Variants in SOX4 observed in about 807,000 individuals in gnomAD.
SOX4 encodes the protein SRY-box transcription factor 4, also known as transcription factor SOX-4.
For missense variants in SOX4, 662 were observed against 694.9 expected (o/e 0.95, Z 0.53); for synonymous variants, 465 against 348.4 (o/e 1.33, Z -3.73).
chr6:21,598,416 T>C lies in SOX4; in HGVS notation c.*2457T>C. ...AAGGGTTTTTGTTTTTAAACTTTTT[T>C]TTGCCATCCATCCTGTGCAATATGC... On this transcript the variant is annotated 3_prime_UTR_variant, in exon 1 of 1. Coordinates refer to ENST00000244745, the MANE Select transcript of SOX4 (RefSeq NM_003107.3). The C allele has an allele frequency of 1.2e-5, 2 of 167,120 alleles. 1 individual carries two copies. Among genetic ancestry groups the C allele is most frequent in the Non-Finnish European group, 2.9e-5 (2 of 68,124 alleles). The allele number at this position is 167,120 out of a possible 1,614,324, so 10.4% of individuals were successfully genotyped here.
At position 21,595,402 on chromosome 6, in the gene SOX4, G is replaced by A. The variant is rs1561757504; in HGVS notation, c.868G>A (p.Glu290Lys). The change falls in exon 1 of 1, where the codon GAG becomes AAG. Residue 290 changes from glutamate (E) to lysine (K), a missense_variant. Physicochemically the swap from Glu to Lys is moderately conservative, Grantham distance 56. Coordinates refer to ENST00000244745, the MANE Select transcript of SOX4 (RefSeq NM_003107.3). ...CGCGGCCCCGGGCAAGCACCTGGCG[G>A]AGAAGAAGGTGAAGCGCGTCTACCT... is the stretch of plus-strand genomic sequence containing the variant. ...ALAAPGKHLAEKKVKRVYLFG... is the reference protein window; with the variant it reads ...ALAAPGKHLAKKKVKRVYLFG... 1 of 1,537,942 alleles carries A rather than the reference G, an allele frequency of 6.5e-7. No homozygotes were observed. Among genetic ancestry groups the A allele is most frequent in the South Asian group, 1.2e-5 (1 of 85,730 alleles).
In SOX4 at chr6:21,594,973, GCCT is replaced by G. The variant is rs1346225479; in HGVS notation, c.445_447del (p.Ser149del). 2 of 1,598,756 alleles carry G rather than the reference GCCT, an allele frequency of 1.3e-6. No homozygotes were observed. Among genetic ancestry groups the G allele is most frequent in the Admixed American group, 1.7e-5 (1 of 58,630 alleles). On this transcript the variant is annotated inframe_deletion, in exon 1 of 1. Coordinates refer to ENST00000244745, the MANE Select transcript of SOX4 (RefSeq NM_003107.3). ...CGCCAACTCCAGCTCCTCGGCCGCC[GCCT>G]CCTCCAAGCCGGGGGAGAAGGGAGA...
At position 21,595,200 on chromosome 6, in the gene SOX4, C is replaced by T. The variant is rs879489337; in HGVS notation, c.666C>T (p.Gly222=). The T allele has an allele frequency of 1.7e-6, 2 of 1,169,982 alleles. No individual in the cohort carries two copies. Among genetic ancestry groups the T allele is most frequent in the African/African-American group, 3.3e-5 (2 of 60,680 alleles). 72.5% of individuals were successfully genotyped at this position (1,169,982 alleles called of 1,614,324 possible). The part of the protein sequence containing the change: ...SKPHAKLILA[G]GGGGGKAAAA... ...CGCACGCCAAGCTCATCCTGGCAGG[C>T]GGCGGCGGCGGCGGGAAAGCAGCGG... is the stretch of plus-strand genomic sequence containing the variant. The change falls in exon 1 of 1, where the codon GGC becomes GGT. Residue 222 remains glycine (G), a synonymous_variant. Coordinates refer to ENST00000244745, the MANE Select transcript of SOX4 (RefSeq NM_003107.3).
Position 21,595,859 on chromosome 6 carries a change from C to T in SOX4, c.1325C>T (p.Ser442Leu), listed in dbSNP as rs113786995. ...LDFNFEPGSGSHFEFPDYCTP... is the reference protein window; with the variant it reads ...LDFNFEPGSGLHFEFPDYCTP... ...TTTAACTTCGAGCCCGGCTCCGGCT[C>T]GCACTTCGAGTTCCCGGACTACTGC... The change falls in exon 1 of 1, where the codon TCG (serine) becomes TTG (leucine). Residue 442 changes from serine to leucine, a missense_variant. Physicochemically the swap from Ser to Leu is moderately radical, Grantham distance 145. Transcript: ENST00000244745. 6.2e-7 allele frequency: 1 copy of T among 1,611,380 alleles called. No homozygotes were observed. Among genetic ancestry groups the T allele is most frequent in the Non-Finnish European group, 8.5e-7 (1 of 1,179,160 alleles).
In SOX4 at chr6:21,594,345, C is replaced by G. The variant is rs1763088542; in HGVS notation, c.-190C>G. 1 of 597,048 alleles carries G rather than the reference C, an allele frequency of 1.7e-6. No individual in the cohort carries two copies. Among genetic ancestry groups the G allele is most frequent in the Admixed American group, 4.5e-5 (1 of 22,438 alleles). The allele number at this position is 597,048 out of a possible 1,614,324, so 37.0% of individuals were successfully genotyped here. A position where few individuals can be genotyped will look rare whatever the true frequency, so the allele number is the denominator to read the frequency against. On this transcript the variant is annotated 5_prime_UTR_variant, in exon 1 of 1. Coordinates refer to ENST00000244745, the MANE Select transcript of SOX4 (RefSeq NM_003107.3). ...CTGCGAGAGGCGGAGAACTCCTTCCCCAAATCTTTTGGGGACTTTTCTCTC... is the reference window on the plus strand; with the variant it reads ...CTGCGAGAGGCGGAGAACTCCTTCCGCAAATCTTTTGGGGACTTTTCTCTC...
Position 21,596,052 on chromosome 6 carries a change from A to T in SOX4, c.*93A>T, listed in dbSNP as rs1763145514. On this transcript the variant is annotated 3_prime_UTR_variant, in exon 1 of 1. Transcript: ENST00000244745. The stretch of plus-strand genomic sequence containing the variant: ...ACGAAAAGGACAGACGAAGAGTTTA[A>T]AGAGAAAAGGGAAAAAAGAAAGAAA... The T allele has an allele frequency of 7.2e-7, 1 of 1,396,078 alleles. No individual in the cohort carries two copies. Among genetic ancestry groups the T allele is most frequent in the Admixed American group, 3.3e-5 (1 of 30,212 alleles). The allele number at this position is 1,396,078 out of a possible 1,614,324, so 86.5% of individuals were successfully genotyped here. A position where few individuals can be genotyped will look rare whatever the true frequency, so the allele number is the denominator to read the frequency against.
rs2113562051 is a variant in SOX4 at position 21,598,051 on chromosome 6, C to CT, written c.*2098dup. 3 of 167,188 alleles carry CT rather than the reference C, an allele frequency of 1.8e-5. No individual in the cohort carries two copies. The South Asian group carries it at 6.2e-4, about 35-fold the overall frequency. The allele number at this position is 167,188 out of a possible 1,614,324, so 10.4% of individuals were successfully genotyped here. On this transcript the variant is annotated 3_prime_UTR_variant, in exon 1 of 1. Transcript: ENST00000244745. Reference sequence around the variant, plus strand: ...TGTAGCTTTAACTTGTAAACCACATCTTTTTTGCACTTTTTTTATAAGCAA... The same window carrying CT: ...TGTAGCTTTAACTTGTAAACCACATCTTTTTTTGCACTTTTTTTATAAGCAA...
In SOX4 at chr6:21,596,067, AAAG is replaced by A; in HGVS notation, c.*111_*113del. On this transcript the variant is annotated 3_prime_UTR_variant, in exon 1 of 1. Coordinates refer to ENST00000244745, the MANE Select transcript of SOX4 (RefSeq NM_003107.3). ...GAAGAGTTTAAAGAGAAAAGGGAAA[AAAG>A]AAAGAAAAAGTAAGCAGGGCTGGCT... 4 of 1,359,622 alleles carry A rather than the reference AAAG, an allele frequency of 2.9e-6. No individual in the cohort carries two copies. The highest frequency in any genetic ancestry group is 3.8e-6 in the Non-Finnish European group (4 of 1,051,296). 84.2% of individuals were successfully genotyped at this position (1,359,622 alleles called of 1,614,324 possible).
rs1258354571 is a variant in SOX4 at position 21,598,433 on chromosome 6, G to A, written c.*2474G>A. 1 of 166,888 alleles carries A rather than the reference G, an allele frequency of 6.0e-6. No homozygotes were observed. The highest frequency in any genetic ancestry group is 1.5e-5 in the Non-Finnish European group (1 of 68,102). The allele number at this position is 166,888 out of a possible 1,614,324, so 10.3% of individuals were successfully genotyped here. A position where few individuals can be genotyped will look rare whatever the true frequency, so the allele number is the denominator to read the frequency against. ...AACTTTTTTTTGCCATCCATCCTGT[G>A]CAATATGCCGTGTAGAATATTTGTC... On this transcript the variant is annotated 3_prime_UTR_variant, in exon 1 of 1. Coordinates refer to ENST00000244745, the MANE Select transcript of SOX4 (RefSeq NM_003107.3).
Position 21,596,095 on chromosome 6 carries a change from T to C in SOX4, c.*136T>C, listed in dbSNP as rs1161112892. ...GAAAGAAAAAGTAAGCAGGGCTGGC[T>C]TCGCCCGCGTTCTCGTCGTCGGATC... is the stretch of plus-strand genomic sequence containing the variant. On this transcript the variant is annotated 3_prime_UTR_variant, in exon 1 of 1. Transcript: ENST00000244745. 1.5e-6 allele frequency: 2 copies of C among 1,323,388 alleles called. No homozygotes were observed. The highest frequency in any genetic ancestry group is 2.0e-6 in the Non-Finnish European group (2 of 1,020,338). The allele number at this position is 1,323,388 out of a possible 1,614,324, so 82.0% of individuals were successfully genotyped here. A position where few individuals can be genotyped will look rare whatever the true frequency, so the allele number is the denominator to read the frequency against.
In SOX4 at chr6:21,595,393, C is replaced by T. The variant is rs755295130; in HGVS notation, c.859C>T (p.His287Tyr). The change falls in exon 1 of 1, where the codon CAC becomes TAC. Residue 287 changes from histidine (H) to tyrosine (Y), a missense_variant. By Grantham distance (83) the His-to-Tyr change is moderately conservative. Coordinates refer to ENST00000244745, the MANE Select transcript of SOX4 (RefSeq NM_003107.3). ...CGCAGCGCTCGCGGCCCCGGGCAAG[C>T]ACCTGGCGGAGAAGAAGGTGAAGCG... ...ASAALAAPGKHLAEKKVKRVY... is the reference protein window; with the variant it reads ...ASAALAAPGKYLAEKKVKRVY... The T allele has an allele frequency of 2.1e-5, 32 of 1,537,802 alleles. No individual in the cohort carries two copies. In the East Asian group the frequency reaches 8.3e-4, roughly 40 times the overall value.
In SOX4 at chr6:21,595,746, C is replaced by T. The variant is rs888392850; in HGVS notation, c.1212C>T (p.Asp404=). The change falls in exon 1 of 1, where the codon GAC becomes GAT. Residue 404 remains aspartate, a synonymous_variant. Coordinates refer to ENST00000244745, the MANE Select transcript of SOX4 (RefSeq NM_003107.3). ...CCTCCGACGACGAGTTCGAAGACGA[C>T]CTGCTCGACCTGAACCCCAGCTCAA... ...SSSSDDEFED[D]LLDLNPSSNF... The T allele has an allele frequency of 3.7e-6, 6 of 1,613,086 alleles. No homozygotes were observed. The highest frequency in any genetic ancestry group is 1.7e-5 in the Admixed American group (1 of 59,962).
rs1020312691 is a variant in SOX4, at chr6:21,595,567, G to A, written c.1033G>A (p.Ala345Thr). Reference sequence around the variant, plus strand: ...GCCCAGCCTGAGCGGCCGCAGCAGCGCCGCCTCGTCCCCCGCCGCCGGCCG... The same window carrying A: ...GCCCAGCCTGAGCGGCCGCAGCAGCACCGCCTCGTCCCCCGCCGCCGGCCG... Reference protein sequence around the residue: ...DAPSLSGRSSAASSPAAGRSP... With the variant: ...DAPSLSGRSSTASSPAAGRSP... Residue 345 changes from alanine to threonine, a missense_variant, in exon 1 of 1, where the codon GCC becomes ACC. Coordinates refer to ENST00000244745, the MANE Select transcript of SOX4 (RefSeq NM_003107.3). 22 of 1,198,912 alleles carry A rather than the reference G, an allele frequency of 1.8e-5. No individual in the cohort carries two copies. Among genetic ancestry groups the A allele is most frequent in the East Asian group, 3.5e-5 (1 of 28,208 alleles). The allele number at this position is 1,198,912 out of a possible 1,614,324, so 74.3% of individuals were successfully genotyped here. A position where few individuals can be genotyped will look rare whatever the true frequency, so the allele number is the denominator to read the frequency against.
At position 21,595,644 on chromosome 6, in the gene SOX4, C is replaced by T. The variant is rs1488349305; in HGVS notation, c.1110C>T (p.Ala370=). The change falls in exon 1 of 1, where the codon GCC becomes GCT. Residue 370 remains alanine (A), a synonymous_variant. Transcript: ENST00000244745. ...GYASLRAASP[A]PSSAPSHASS... is the part of the protein sequence containing the mutation. Reference sequence around the variant, plus strand: ...CCAGCCTGCGCGCCGCCTCGCCCGCCCCGTCCAGCGCGCCCTCGCACGCGT... The same window carrying T: ...CCAGCCTGCGCGCCGCCTCGCCCGCTCCGTCCAGCGCGCCCTCGCACGCGT... 6 of 1,493,976 alleles carry T rather than the reference C, an allele frequency of 4.0e-6. No homozygotes were observed. Among genetic ancestry groups the T allele is most frequent in the Non-Finnish European group, 5.4e-6 (6 of 1,120,164 alleles). The allele number at this position is 1,493,976 out of a possible 1,614,324, so 92.5% of individuals were successfully genotyped here.
In SOX4 at chr6:21,595,514, A is replaced by C; in HGVS notation, c.980A>C (p.Glu327Ala). Residue 327 changes from glutamate to alanine, a missense_variant, in exon 1 of 1, where the codon GAG becomes GCG. Transcript: ENST00000244745. ...DPSDPLGLYE[E>A]EGAGCSPDAP... is the part of the protein sequence containing the mutation. ...AGCGACCCCCTGGGCCTGTACGAGG[A>C]GGAGGGCGCGGGCTGCTCGCCCGAC... 1 of 1,279,094 alleles carries C rather than the reference A, an allele frequency of 7.8e-7. No individual in the cohort carries two copies. The highest frequency in any genetic ancestry group is 9.9e-7 in the Non-Finnish European group (1 of 1,011,186). 79.2% of individuals were successfully genotyped at this position (1,279,094 alleles called of 1,614,324 possible).
rs199766530 is a variant in SOX4 at position 21,596,004 on chromosome 6, GA to G, written c.*54del. On this transcript the variant is annotated 3_prime_UTR_variant, in exon 1 of 1. Transcript: ENST00000244745. ...AAGGGCCGGGGGGGGTAGGAGAGGA[GA>G]AAAAAAAAGTGAAAAAAAGAAACGA... 5.7e-5 allele frequency: 79 copies of G among 1,396,218 alleles called. 1 individual carries two copies. Among genetic ancestry groups the G allele is most frequent in the Admixed American group, 3.2e-4 (10 of 31,246 alleles). The allele number at this position is 1,396,218 out of a possible 1,614,324, so 86.5% of individuals were successfully genotyped here.
Position 21,595,033 on chromosome 6 carries a change from G to A in SOX4, c.499G>A (p.Gly167Arg). ...CGGTGGCAGTGGCGGGGGCGGCCATGGGGGCGGCGGCGGCGGCGGGAGCAG... is the reference window on the plus strand; with the variant it reads ...CGGTGGCAGTGGCGGGGGCGGCCATAGGGGCGGCGGCGGCGGCGGGAGCAG... ...KVGGSGGGGH[G>R]GGGGGGSSNA... Residue 167 changes from glycine (G) to arginine (R), a missense_variant, in exon 1 of 1, where the codon GGG (glycine) becomes AGG (arginine). Physicochemically the swap from Gly to Arg is moderately radical, Grantham distance 125. Transcript: ENST00000244745. 3 of 1,457,172 alleles carry A rather than the reference G, an allele frequency of 2.1e-6. No homozygotes were observed. Among genetic ancestry groups the A allele is most frequent in the Non-Finnish European group, 2.7e-6 (3 of 1,108,350 alleles). 90.3% of individuals were successfully genotyped at this position (1,457,172 alleles called of 1,614,324 possible). A position where few individuals can be genotyped will look rare whatever the true frequency, so the allele number is the denominator to read the frequency against.
chr6:21,596,041 C>A lies in SOX4; in HGVS notation c.*82C>A. On this transcript the variant is annotated 3_prime_UTR_variant, in exon 1 of 1. Transcript: ENST00000244745. ...GAAAAAAAGAAACGAAAAGGACAGACGAAGAGTTTAAAGAGAAAAGGGAAA... is the reference window on the plus strand; with the variant it reads ...GAAAAAAAGAAACGAAAAGGACAGAAGAAGAGTTTAAAGAGAAAAGGGAAA... 1 of 1,421,334 alleles carries A rather than the reference C, an allele frequency of 7.0e-7. No individual in the cohort carries two copies. The highest frequency in any genetic ancestry group is 9.2e-7 in the Non-Finnish European group (1 of 1,086,400). 88.0% of individuals were successfully genotyped at this position (1,421,334 alleles called of 1,614,324 possible). A position where few individuals can be genotyped will look rare whatever the true frequency, so the allele number is the denominator to read the frequency against.
At position 21,595,059 on chromosome 6, in the gene SOX4, C is replaced by T; in HGVS notation, c.525C>T (p.Ser175=). The change falls in exon 1 of 1, where the codon AGC becomes AGT. Residue 175 remains serine, a synonymous_variant. Coordinates refer to ENST00000244745, the MANE Select transcript of SOX4 (RefSeq NM_003107.3). ...GHGGGGGGGS[S]NAGGGGGGAS... is the part of the protein sequence containing the mutation. ...GGGGCGGCGGCGGCGGCGGGAGCAGCAACGCGGGGGGAGGAGGCGGCGGTG... is the reference window on the plus strand; with the variant it reads ...GGGGCGGCGGCGGCGGCGGGAGCAGTAACGCGGGGGGAGGAGGCGGCGGTG... The T allele has an allele frequency of 7.0e-7, 1 of 1,425,604 alleles. No homozygotes were observed. Among genetic ancestry groups the T allele is most frequent in the African/African-American group, 1.5e-5 (1 of 66,116 alleles). 88.3% of individuals were successfully genotyped at this position (1,425,604 alleles called of 1,614,324 possible).
Sources: gnomAD v4.1 joint callset for allele counts on GRCh38, gnomAD v4.1.1 for gene constraint, MANE v1.5 for transcripts, NCBI Gene and HGNC (gene_info 2026-07-23, HGNC 2026-07-21) for gene names.